ABCB5: variants seen among roughly 807,000 people sequenced by gnomAD.
The protein encoded by ABCB5 is ATP binding cassette subfamily B member 5.
Under a neutral mutation model 144.2 loss-of-function variants are expected in ABCB5, and 155 were observed. That is an observed-to-expected ratio of 1.08 (90% CI 0.94 to 1.23). The LOEUF (loss-of-function observed/expected upper bound fraction) is 1.23, where lower values mean the gene tolerates loss of function less well. ABCB5 is among the 50% of genes most tolerant of loss of function. The probability of loss-of-function intolerance (pLI) is 0.00; values close to 1 mark genes in which losing one functional copy is unlikely to be tolerated. For missense variants in ABCB5, 1,830 were observed against 1,520.8 expected, an observed-to-expected ratio of 1.20 and a Z score of -3.38; for synonymous variants, 610 against 528.6, an observed-to-expected ratio of 1.15 and a Z score of -2.11.
chr7:20,724,394 G>A (rs1056938438), intron 21 of ABCB5, among the ~76,000 whole-genome samples: 2 of 151,856 alleles, frequency 1.3e-5, no homozygotes, highest in African/African-American at 4.8e-5. Context: ...TTGGGAGGCC[G>A]AGATGGGCGG....
chr7:20,747,221 T>G (rs1004140422), intron 26 of ABCB5, among the ~76,000 whole-genome samples: 2 of 152,242 alleles, frequency 1.3e-5, no homozygotes, highest in African/African-American at 4.8e-5. Flanking sequence ...CTCGATAGTT[T>G]GTTTTATGTA....
At chr7:20,666,044 C>T (rs537656505) in intron 14 of ABCB5, among the ~76,000 whole-genome samples, 9 of 152,030 alleles carry the variant, frequency 5.9e-5, no homozygotes, top group East Asian at 3.9e-4. Context: ...GTGGCACATG[C>T]GTGCAATCCC....
chr7:20,734,878 C>A (rs1177918726), intron 23 of ABCB5, among the ~76,000 whole-genome samples: 1 of 152,194 alleles, frequency 6.6e-6, no homozygotes, highest in Non-Finnish European at 1.5e-5. Flanking sequence ...GTAACACATT[C>A]TATTTGTTAT....
In ABCB5 at chr7:20,699,849, A is replaced by G. The variant is rs150114898; in HGVS notation, c.2179A>G (p.Thr727Ala). 1.4e-5 allele frequency: 22 copies of G among 1,608,940 alleles called. 1 individual carries two copies. The East Asian group carries it at 4.9e-4, about 36-fold the overall frequency. ...ITMFGNNDKTTLKHDAEIYSM... is the reference protein window; with the variant it reads ...ITMFGNNDKTALKHDAEIYSM... ...GATGTTTGGAAATAATGATAAAACC[A>G]CATTAAAGCATGATGCAGAAATTTA... Residue 727 changes from threonine to alanine, a missense_variant, in exon 18 of 28, where the codon ACA (threonine) becomes GCA (alanine). Thr to Ala is a moderately conservative substitution (Grantham distance 58, BLOSUM62 0). Coordinates refer to ENST00000404938, the MANE Select transcript of ABCB5 (RefSeq NM_001163941.2).
At chr7:20,723,319 T>C (rs1562579991) in intron 21 of ABCB5, 100 bp downstream of exon 21, 4 of 1,186,358 alleles carry the variant, frequency 3.4e-6, no homozygotes, top group Non-Finnish European at 4.8e-6. Context: ...ATCTTTATGA[T>C]ATATTAACTT....
At chr7:20,702,263 T>C (rs1050925364) in intron 19 of ABCB5, among the ~76,000 whole-genome samples, 4 of 152,236 alleles carry the variant, frequency 2.6e-5, no homozygotes, top group African/African-American at 9.6e-5. Flanking sequence ...TATTGAGTTT[T>C]TGAACATGTA....
intron 20 of ABCB5, among the ~76,000 whole-genome samples, chr7:20,717,519 T>C (rs942347864): frequency 6.6e-6 from 1 of 151,028 alleles, no homozygotes; most frequent in Admixed American, 6.6e-5. Context: ...GTTGGCTCAC[T>C]GCAACCTCCG....
At chr7:20,706,051 T>C (rs1045350318) in intron 20 of ABCB5, among the ~76,000 whole-genome samples, 1 of 152,156 alleles carries the variant, frequency 6.6e-6, no homozygotes, top group South Asian at 2.1e-4. Flanking sequence ...AGATAGTATT[T>C]AGATTCTAAA....
intron 23 of ABCB5, among the ~76,000 whole-genome samples, chr7:20,734,465 A>C (rs552408620): frequency 1.3e-4 from 20 of 150,522 alleles, no homozygotes; most frequent in South Asian, 8.5e-4. Context: ...TCTTCATTTT[A>C]TCAAACATTC....
chr7:20,746,542 G>C (rs1782729317), intron 26 of ABCB5, among the ~76,000 whole-genome samples: 1 of 152,192 alleles, frequency 6.6e-6, no homozygotes, highest in African/African-American at 2.4e-5. Flanking sequence ...ATTACCCTGA[G>C]CACTTAGTTA....
chr7:20,637,176 ACTT>A (rs1784177323), intron 5 of ABCB5, among the ~76,000 whole-genome samples: 1 of 152,186 alleles, frequency 6.6e-6, no homozygotes, highest in South Asian at 2.1e-4. Flanking sequence ...AGGTAATAGT[ACTT>A]CTTCCGTCTG....
chr7:20,701,734 A>G (rs2128043697), intron 19 of ABCB5, among the ~76,000 whole-genome samples: 1 of 152,366 alleles, frequency 6.6e-6, no homozygotes, highest in Middle Eastern at 3.4e-3. Flanking sequence ...ACATACTCAC[A>G]AAGACTTGCA....
chr7:20,669,153 G>C (rs1383709196), intron 14 of ABCB5, among the ~76,000 whole-genome samples: 3 of 150,012 alleles, frequency 2.0e-5, no homozygotes, highest in Non-Finnish European at 4.4e-5. Flanking sequence ...GAGGTGAGGG[G>C]CGCTTCTGCC....
intron 19 of ABCB5, among the ~76,000 whole-genome samples, chr7:20,702,676 T>C (rs1381009007): frequency 9.9e-6 from 1 of 101,026 alleles, no homozygotes; most frequent in Non-Finnish European, 2.1e-5. Flanking sequence ...TTTTTTTTTT[T>C]CCTGAGACAC....
At chr7:20,683,723 T>C (rs1785899920) in intron 15 of ABCB5, among the ~76,000 whole-genome samples, 1 of 152,176 alleles carries the variant, frequency 6.6e-6, no homozygotes, top group Non-Finnish European at 1.5e-5. Context: ...TAATACTAAG[T>C]ATAATATTCT....
chr7:20,710,346 A>G (rs1253756164), intron 20 of ABCB5, among the ~76,000 whole-genome samples: 1 of 123,010 alleles, frequency 8.1e-6, no homozygotes, highest in East Asian at 3.0e-4. Context: ...CAGCCTGGGC[A>G]ACAAGAGTGA....
chr7:20,731,369 A>AAAAAAAAAAAAAAAAAAAATAT (rs57305244), intron 23 of ABCB5, among the ~76,000 whole-genome samples: 1 of 123,104 alleles, frequency 8.1e-6, no homozygotes, highest in African/African-American at 3.3e-5. Flanking sequence ...AAAAAAAAAA[A>AAAAAAAAAAAAAAAAAAAATAT]ATATATATAT....
intron 7 of ABCB5, 69 bp downstream of exon 7, chr7:20,643,701 T>A: frequency 6.4e-7 from 1 of 1,552,786 alleles, no homozygotes; most frequent in Non-Finnish European, 8.8e-7. Context: ...ACTGAGTTTG[T>A]TCAAAAATGG....
intron 14 of ABCB5, among the ~76,000 whole-genome samples, chr7:20,669,337 G>A (rs1388129185): frequency 7.5e-5 from 11 of 147,548 alleles, no homozygotes; most frequent in Admixed American, 1.3e-4. Flanking sequence ...CCGGGTCTGT[G>A]TGGATAGAAG....
Sources: allele counts gnomAD v4.1 joint callset (sites outside exome capture counted in the v4.1 genomes callset), GRCh38; gene constraint gnomAD v4.1.1; transcripts MANE v1.5; gene names NCBI Gene and HGNC (gene_info 2026-07-23, HGNC 2026-07-21).